The following RNF17 variants were observed in gnomAD, a reference collection of about 807,000 sequenced individuals.
RNF17 encodes the protein ring finger protein 17, also known as spermatogenesis associated 23.
In RNF17, 31 loss-of-function variants were observed where a neutral mutation model predicts 200.5. That is an observed-to-expected ratio of 0.15 (90% CI 0.12 to 0.21). RNF17 has a LOEUF of 0.21. RNF17 is among the 10% of genes least tolerant of loss of function. The pLI is 1.00. For synonymous variants in RNF17, 606 were observed against 637.8 expected, an observed-to-expected ratio of 0.95 and a Z score of 0.75; for missense variants, 1,628 against 1,905.1, an observed-to-expected ratio of 0.85 and a Z score of 2.71.
intron 16 of RNF17, 92 bp downstream of exon 16, chr13:24,825,864 T>C: frequency 1.3e-5 from 18 of 1,439,490 alleles, no homozygotes; most frequent in Non-Finnish European, 1.7e-5. Context: ...GGAAGTAATG[T>C]TATTTGATCT....
At chr13:24,836,579 C>T (rs1044713197) in intron 18 of RNF17, among the ~76,000 whole-genome samples, 4 of 152,136 alleles carry the variant, frequency 2.6e-5, no homozygotes, top group Non-Finnish European at 2.9e-5. Context: ...AACAATTTAT[C>T]AACCAAGAAT....
chr13:24,853,356 G>C (rs1892143772), intron 24 of RNF17, among the ~76,000 whole-genome samples: 1 of 151,722 alleles, frequency 6.6e-6, no homozygotes, highest in African/African-American at 2.4e-5. Context: ...AATTGGAAGG[G>C]AATAATATAA....
In RNF17 at chr13:24,774,846, T is replaced by C. The variant is rs1295791266; in HGVS notation, c.259T>C (p.Tyr87His). 6.2e-7 allele frequency: 1 copy of C among 1,612,742 alleles called. No individual in the cohort carries two copies. Among genetic ancestry groups the C allele is most frequent in the East Asian group, 2.2e-5 (1 of 44,824 alleles). ...AGCTGTAAATACTAGACAACGCTAC[T>C]ACCCAATGGCTGGATATATTAAGGA... ...ATAVNTRQRY[Y>H]PMAGYIKEDS... The change falls in exon 3 of 36, where the codon TAC becomes CAC. Residue 87 changes from tyrosine to histidine, a missense_variant. Physicochemically the swap from Tyr to His is moderately conservative, Grantham distance 83. Around this residue, in one of 5 missense-constraint regions of RNF17, gnomAD observed 502 missense variants for 501.7 expected, o/e 1.00. Coordinates refer to ENST00000255324, the MANE Select transcript of RNF17 (RefSeq NM_031277.3).
At chr13:24,772,105 G>T (rs1368165399) in intron 2 of RNF17, among the ~76,000 whole-genome samples, 2 of 152,144 alleles carry the variant, frequency 1.3e-5, no homozygotes, top group Non-Finnish European at 2.9e-5. Flanking sequence ...GGCTGATTTT[G>T]TCATACCTTT....
intron 28 of RNF17, among the ~76,000 whole-genome samples, chr13:24,863,672 C>CCT (rs1191507621): frequency 6.6e-6 from 1 of 152,112 alleles, no homozygotes; most frequent in Admixed American, 6.5e-5. Context: ...ACTAAGAGTC[C>CCT]CTCCCTAGTT....
At chr13:24,816,445 C>G (rs1362794189) in intron 15 of RNF17, among the ~76,000 whole-genome samples, 1 of 152,122 alleles carries the variant, frequency 6.6e-6, no homozygotes, top group Admixed American at 6.5e-5. Flanking sequence ...CCCAACATAT[C>G]CCATAGCTGC....
At chr13:24,805,248 TC>T (rs2137764114) in intron 15 of RNF17, among the ~76,000 whole-genome samples, 1 of 152,328 alleles carries the variant, frequency 6.6e-6, no homozygotes, top group African/African-American at 2.4e-5. Flanking sequence ...TAATAATTGT[TC>T]AGTGTACCAT....
At chr13:24,880,090 A>AT (rs1953763787), downstream of RNF17, among the ~76,000 whole-genome samples, 2 of 152,206 alleles carry the variant, frequency 1.3e-5, no homozygotes, top group African/African-American at 4.8e-5. Context: ...GTCTCTTCTT[A>AT]TACTGCTATA....
intron 2 of RNF17, among the ~76,000 whole-genome samples, chr13:24,768,111 A>G (rs1593201052): frequency 6.6e-6 from 1 of 152,096 alleles, no homozygotes; most frequent in Non-Finnish European, 1.5e-5. Context: ...AAGCAAAACT[A>G]CTGCCTAAAA....
the RNF17 span, chr13:24,750,774 A>G: frequency 6.6e-6 from 1 of 151,582 alleles, no homozygotes; most frequent in African/African-American, 2.4e-5. Flanking sequence ...CTTCTAGCAG[A>G]CCTTCTTTTT....
intron 19 of RNF17, among the ~76,000 whole-genome samples, chr13:24,842,794 G>C (rs542009605): frequency 6.6e-6 from 1 of 152,160 alleles, no homozygotes; most frequent in East Asian, 1.9e-4. Flanking sequence ...AGACCAGCCT[G>C]TCCAATATGT....
the RNF17 span, chr13:24,885,652 G>A: frequency 6.2e-7 from 1 of 1,612,746 alleles, no homozygotes; most frequent in Non-Finnish European, 8.5e-7. Context: ...TGCAGACTTG[G>A]ATCTTCGAGG....
At position 24,842,386 on chromosome 13, in the gene RNF17, A is replaced by T. The variant is rs529408702; in HGVS notation, c.2603+225A>T. On this transcript the variant is annotated intron_variant, in intron 19 of 35. Transcript: ENST00000255324. Reference sequence around the variant, plus strand: ...CTAAGGAACCCAGAAACCAAGAGAAAGGCTCCTTGAGAGTGCTTCTAAGGA... The same window carrying T: ...CTAAGGAACCCAGAAACCAAGAGAATGGCTCCTTGAGAGTGCTTCTAAGGA... Among the ~76,000 whole-genome samples, 10 of 152,302 alleles carry T rather than the reference A, an allele frequency of 6.6e-5. No homozygotes were observed. In the South Asian group the frequency reaches 2.1e-3, roughly 32 times the overall value.
intron 15 of RNF17, among the ~76,000 whole-genome samples, chr13:24,808,127 A>G (rs1269303317): frequency 1.2e-4 from 18 of 150,894 alleles, no homozygotes; most frequent in South Asian, 6.3e-4. Flanking sequence ...TTGGCAATGC[A>G]GGCTCTTTTT....
chr13:24,824,934 G>T (rs576259195), intron 15 of RNF17, among the ~76,000 whole-genome samples: 1 of 152,282 alleles, frequency 6.6e-6, no homozygotes, highest in South Asian at 2.1e-4. Context: ...ACACAGTCTA[G>T]CCAAAAAGAT....
the RNF17 span, among the ~76,000 whole-genome samples, chr13:24,752,473 C>A: frequency 1.3e-5 from 2 of 152,244 alleles, no homozygotes; most frequent in African/African-American, 4.8e-5. Flanking sequence ...GAAAATGAGC[C>A]TGGTGGAGCA....
At chr13:24,755,664 A>T in the RNF17 span, among the ~76,000 whole-genome samples, 1 of 152,178 alleles carries the variant, frequency 6.6e-6, no homozygotes, top group Non-Finnish European at 1.5e-5. Context: ...GGTTTTATGA[A>T]AAGTTTCGTC....
At chr13:24,819,635 A>G (rs758571978) in intron 15 of RNF17, among the ~76,000 whole-genome samples, 1 of 152,220 alleles carries the variant, frequency 6.6e-6, no homozygotes. Context: ...ACAAAAAACT[A>G]CTTCTCTGCA....
chr13:24,764,569 C>G (rs1211650870), intron 1 of RNF17, among the ~76,000 whole-genome samples: 1 of 152,244 alleles, frequency 6.6e-6, no homozygotes, highest in African/African-American at 2.4e-5. Context: ...CCAGGCCTCA[C>G]CGACCCTCCA....
Sources: allele counts gnomAD v4.1 joint callset (sites outside exome capture counted in the v4.1 genomes callset), GRCh38; gene constraint gnomAD v4.1.1; regional missense constraint gnomAD v4.1.1; transcripts MANE v1.5; gene names NCBI Gene and HGNC (gene_info 2026-07-23, HGNC 2026-07-21).